ZNF264: variants seen among roughly 807,000 people sequenced by gnomAD.
ZNF264 encodes zinc finger protein 264.
Under a neutral mutation model 11.2 loss-of-function variants are expected in ZNF264, and 11 were observed. That is an observed-to-expected ratio of 0.98 (90% CI 0.62 to 1.63). ZNF264 has a LOEUF of 1.63. ZNF264 is among the 40% of genes most tolerant of loss of function. The pLI is 0.00. For synonymous variants in ZNF264, 309 were observed against 279.8 expected (o/e 1.10, Z -1.04); for missense variants, 752 against 768.1 (o/e 0.98, Z 0.25).
intron 2 of ZNF264, among the ~76,000 whole-genome samples, chr19:57,195,765 AAG>A (rs2087207511): frequency 1.3e-5 from 2 of 151,802 alleles, no homozygotes; most frequent in Non-Finnish European, 2.9e-5. Context: ...TATTGACTTA[AAG>A]GTAGGAGGAG....
At chr19:57,195,571 A>G (rs1210382445) in intron 2 of ZNF264, among the ~76,000 whole-genome samples, 1 of 149,480 alleles carries the variant, frequency 6.7e-6, no homozygotes, top group Non-Finnish European at 1.5e-5. Context: ...TCCTGCCTGG[A>G]TTGGGCTGTT....
chr19:57,211,097 A>G (rs552417621), intron 3 of ZNF264, among the ~76,000 whole-genome samples: 8 of 152,036 alleles, frequency 5.3e-5, no homozygotes, highest in Non-Finnish European at 1.0e-4. Flanking sequence ...CCCAGGTCCA[A>G]TCTGTAATTG....
chr19:57,212,654 G>T lies in ZNF264; in HGVS notation c.1557G>T (p.Ser519=). Residue 519 remains serine (S), a synonymous_variant, in exon 4 of 4, where the codon TCG becomes TCT. Transcript: ENST00000263095. ...ATGAATGTGTTGAGTGTGGGAAATCGTTTTGCTGGAGCACAAACCTCATTC... is the reference window on the plus strand; with the variant it reads ...ATGAATGTGTTGAGTGTGGGAAATCTTTTTGCTGGAGCACAAACCTCATTC... ...KPYECVECGK[S]FCWSTNLIRH... is the part of the protein sequence containing the mutation. The T allele has an allele frequency of 6.2e-7, 1 of 1,613,404 alleles. No individual in the cohort carries two copies. The highest frequency in any genetic ancestry group is 8.5e-7 in the Non-Finnish European group (1 of 1,179,866).
intron 2 of ZNF264, among the ~76,000 whole-genome samples, chr19:57,197,480 A>G (rs185514916): frequency 1.3e-5 from 2 of 151,958 alleles, no homozygotes; most frequent in East Asian, 1.9e-4. Context: ...GGGCCTGCCA[A>G]AGGCTCCAAA....
In ZNF264 at chr19:57,220,561, C is replaced by T. The variant is rs2087409924; in HGVS notation, c.*7580C>T. The T allele has an allele frequency of 6.6e-6, 1 of 152,276 alleles. No individual in the cohort carries two copies. The highest frequency in any genetic ancestry group is 1.5e-5 in the Non-Finnish European group (1 of 68,042). The allele number at this position is 152,276 out of a possible 1,614,324, so 9.4% of individuals were successfully genotyped here. ...GCACTGCCCCATTCTGTTCATTCCACCTTTTTTTTTAGTAGACCCTCCATA... is the reference window on the plus strand; with the variant it reads ...GCACTGCCCCATTCTGTTCATTCCATCTTTTTTTTTAGTAGACCCTCCATA... On this transcript the variant is annotated 3_prime_UTR_variant, in exon 4 of 4. Coordinates refer to ENST00000263095, the MANE Select transcript of ZNF264 (RefSeq NM_003417.5).
rs1206686991 is a variant in ZNF264 at position 57,212,252 on chromosome 19, C to G, written c.1155C>G (p.Ala385=). Residue 385 remains alanine (A), a synonymous_variant, in exon 4 of 4, where the codon GCC becomes GCG. Coordinates refer to ENST00000263095, the MANE Select transcript of ZNF264 (RefSeq NM_003417.5). ...GGAAGGTCTTCTTGGAGAGTGCAGCCCTGATTCACCACTATGTCATCCACA... is the reference window on the plus strand; with the variant it reads ...GGAAGGTCTTCTTGGAGAGTGCAGCGCTGATTCACCACTATGTCATCCACA... ...ECGKVFLESA[A]LIHHYVIHTG... 5 of 1,613,794 alleles carry G rather than the reference C, an allele frequency of 3.1e-6. No individual in the cohort carries two copies. Among genetic ancestry groups the G allele is most frequent in the East Asian group, 2.2e-5 (1 of 44,836 alleles).
In ZNF264 at chr19:57,213,682, T is replaced by C. The variant is rs2087358768; in HGVS notation, c.*701T>C. The C allele has an allele frequency of 6.6e-6, 1 of 152,238 alleles. No homozygotes were observed. Among genetic ancestry groups the C allele is most frequent in the Non-Finnish European group, 1.5e-5 (1 of 68,042 alleles). 9.4% of individuals were successfully genotyped at this position (152,238 alleles called of 1,614,324 possible). The stretch of plus-strand genomic sequence containing the variant: ...GCTCTTATTTAAAATCGACAGCATT[T>C]CTAGTTCCTTTGACATTCCATATAA... On this transcript the variant is annotated 3_prime_UTR_variant, in exon 4 of 4. Coordinates refer to ENST00000263095, the MANE Select transcript of ZNF264 (RefSeq NM_003417.5).
Position 57,212,987 on chromosome 19 carries a change from C to A in ZNF264, c.*6C>A. On this transcript the variant is annotated 3_prime_UTR_variant, in exon 4 of 4. Coordinates refer to ENST00000263095, the MANE Select transcript of ZNF264 (RefSeq NM_003417.5). ...CACAAGTGTCTTCACTGTGAGAAAA[C>A]CTTCTGTTGCTGAATATTACTTGTC... 6.3e-7 allele frequency: 1 copy of A among 1,598,122 alleles called. No homozygotes were observed.
chr19:57,218,452 G>A lies in ZNF264; in HGVS notation c.*5471G>A, dbSNP rs932418497. ...GATGTGCGTGGCATGGAAGTTTTTG[G>A]GTGTATTCTATTTGGCGCTCCCTGG... On this transcript the variant is annotated 3_prime_UTR_variant, in exon 4 of 4. Transcript: ENST00000263095. 6.6e-6 allele frequency: 1 copy of A among 152,208 alleles called. No individual in the cohort carries two copies. Among genetic ancestry groups the A allele is most frequent in the Non-Finnish European group, 1.5e-5 (1 of 68,048 alleles). 9.4% of individuals were successfully genotyped at this position (152,208 alleles called of 1,614,324 possible). A position where few individuals can be genotyped will look rare whatever the true frequency, so the allele number is the denominator to read the frequency against.
rs1032403264 is a variant in ZNF264 at position 57,218,276 on chromosome 19, A to G, written c.*5295A>G. 3.3e-5 allele frequency: 5 copies of G among 152,304 alleles called. No individual in the cohort carries two copies. The highest frequency in any genetic ancestry group is 9.6e-5 in the African/African-American group (4 of 41,570). 9.4% of individuals were successfully genotyped at this position (152,304 alleles called of 1,614,324 possible). On this transcript the variant is annotated 3_prime_UTR_variant, in exon 4 of 4. Coordinates refer to ENST00000263095, the MANE Select transcript of ZNF264 (RefSeq NM_003417.5). ...TGGCAGTTGTTTTCTTTTAGACTTC[A>G]GAGATGTATCTCTCTGTTCTGTACA...
At position 57,220,411 on chromosome 19, in the gene ZNF264, C is replaced by T. The variant is rs1047813841; in HGVS notation, c.*7430C>T. ...AAAACTGAGTAGGGAAGCGGTAAGA[C>T]ATGCATCTGGCTTTAGGAGTGTTTG... On this transcript the variant is annotated 3_prime_UTR_variant, in exon 4 of 4. Coordinates refer to ENST00000263095, the MANE Select transcript of ZNF264 (RefSeq NM_003417.5). 2.6e-5 allele frequency: 4 copies of T among 152,132 alleles called. No individual in the cohort carries two copies. Among genetic ancestry groups the T allele is most frequent in the African/African-American group, 9.7e-5 (4 of 41,410 alleles). 9.4% of individuals were successfully genotyped at this position (152,132 alleles called of 1,614,324 possible).
intron 2 of ZNF264, among the ~76,000 whole-genome samples, chr19:57,200,343 C>T (rs995649873): frequency 1.3e-5 from 2 of 151,330 alleles, no homozygotes; most frequent in Non-Finnish European, 2.9e-5. Flanking sequence ...TGCCATCCCC[C>T]AAATGCCATC....
rs1392508687 is a variant in ZNF264, at chr19:57,215,166, A to C, written c.*2185A>C. ...GTGTTATTTGTTCTTGTCATGTTTG[A>C]TGACCTCTAGTCAACCATTGGGCCA... On this transcript the variant is annotated 3_prime_UTR_variant, in exon 4 of 4. Coordinates refer to ENST00000263095, the MANE Select transcript of ZNF264 (RefSeq NM_003417.5). 6.6e-6 allele frequency: 1 copy of C among 152,214 alleles called. No individual in the cohort carries two copies. The highest frequency in any genetic ancestry group is 1.5e-5 in the Non-Finnish European group (1 of 68,020). 9.4% of individuals were successfully genotyped at this position (152,214 alleles called of 1,614,324 possible).
intron 3 of ZNF264, among the ~76,000 whole-genome samples, chr19:57,206,253 T>C (rs1568474763): frequency 6.6e-6 from 1 of 152,088 alleles, no homozygotes; most frequent in African/African-American, 2.4e-5. Context: ...TAGAAATCTT[T>C]TTTTTTTTGA....
intron 2 of ZNF264, 95 bp downstream of exon 2, chr19:57,194,096 A>G (rs2122732559): frequency 1.3e-6 from 2 of 1,495,628 alleles, no homozygotes; most frequent in Middle Eastern, 3.6e-4. Context: ...GAAGGCCTCT[A>G]GAATCTACCT....
At chr19:57,193,448 T>A in intron 1 of ZNF264, 5 of 972,868 alleles carry the variant, frequency 5.1e-6, no homozygotes, top group Non-Finnish European at 6.1e-6. Context: ...CAGTTTCAAG[T>A]GTTTGGAGCT....
At chr19:57,210,738 G>A (rs1009207479) in intron 3 of ZNF264, among the ~76,000 whole-genome samples, 1 of 152,112 alleles carries the variant, frequency 6.6e-6, no homozygotes, top group African/African-American at 2.4e-5. Flanking sequence ...TTCTAATCAC[G>A]TGGTTTAGCT....
At chr19:57,194,303 C>A (rs1417639948) in intron 2 of ZNF264, 1 of 446,168 alleles carries the variant, frequency 2.2e-6, no homozygotes, top group Non-Finnish European at 3.9e-6. Flanking sequence ...AACTGAGAAC[C>A]ACCACGATGG....
At chr19:57,199,945 C>T (rs779505421) in intron 2 of ZNF264, among the ~76,000 whole-genome samples, 2 of 151,350 alleles carry the variant, frequency 1.3e-5, no homozygotes, top group Admixed American at 6.6e-5. Context: ...AGGATGTTGC[C>T]ACTATTGGGG....
Sources: gnomAD v4.1 joint callset for allele counts (sites outside exome capture counted in the v4.1 genomes callset) on GRCh38, gnomAD v4.1.1 for gene constraint, MANE v1.5 for transcripts, NCBI Gene and HGNC (gene_info 2026-07-23, HGNC 2026-07-21) for gene names.